The following KATNIP variants were observed in gnomAD, a reference collection of about 807,000 sequenced individuals.
KATNIP encodes katanin-interacting protein.
Under a neutral mutation model 174.0 loss-of-function variants are expected in KATNIP, and 126 were observed. The ratio of observed to expected loss-of-function variants is 0.72; its 90% confidence interval spans 0.63 to 0.84. The LOEUF is 0.84. Among genes scored for constraint, KATNIP ranks in the 40% least tolerant of loss-of-function variants. The pLI, the probability that KATNIP is intolerant of heterozygous loss-of-function variation, is 0.00. For synonymous variants in KATNIP, 810 were observed against 835.7 expected (o/e 0.97, Z 0.53); for missense variants, 1,958 against 2,109.7 (o/e 0.93, Z 1.41).
At chr16:27,557,415 C>CGTA (rs2089674911) in intron 1 of KATNIP, among the ~76,000 whole-genome samples, 1 of 145,710 alleles carries the variant, frequency 6.9e-6, no homozygotes, top group African/African-American at 2.5e-5. Flanking sequence ...TAAAGTGCTA[C>CGTA]GGTTACAGGT....
At chr16:27,721,498 TTTACTTTGGGGAG>T in intron 13 of KATNIP, 47 bp from the exon 14 acceptor site, 2 of 1,606,484 alleles carry the variant, frequency 1.2e-6, no homozygotes, top group South Asian at 2.2e-5. Flanking sequence ...CCGCTGCCAT[TTTACTTTGGGGAG>T]AGGCAGAAAT....
intron 1 of KATNIP, among the ~76,000 whole-genome samples, chr16:27,560,466 A>G (rs1279226168): frequency 6.6e-6 from 1 of 151,840 alleles, no homozygotes; most frequent in Non-Finnish European, 1.5e-5. Flanking sequence ...GGCTGGTGTT[A>G]CCTGTCATCT....
intron 6 of KATNIP, among the ~76,000 whole-genome samples, chr16:27,672,346 A>G (rs1287305908): frequency 1.3e-5 from 2 of 152,076 alleles, no homozygotes. Context: ...ACCATTCATC[A>G]GGGCTTGCTC....
chr16:27,657,739 G>A (rs1270111029), intron 6 of KATNIP, among the ~76,000 whole-genome samples: 3 of 152,096 alleles, frequency 2.0e-5, no homozygotes, highest in Admixed American at 6.6e-5. Flanking sequence ...GTGAAACCCC[G>A]TCTCTACTAA....
At chr16:27,717,893 G>T (rs906731611) in intron 13 of KATNIP, among the ~76,000 whole-genome samples, 1 of 152,138 alleles carries the variant, frequency 6.6e-6, no homozygotes, top group Non-Finnish European at 1.5e-5. Flanking sequence ...TCACTCTGAG[G>T]CCTGTTCCAC....
chr16:27,576,350 T>G (rs1435509548), intron 2 of KATNIP, among the ~76,000 whole-genome samples: 2 of 152,104 alleles, frequency 1.3e-5, no homozygotes, highest in Non-Finnish European at 2.9e-5. Flanking sequence ...AGGCTTAACC[T>G]GGAAAGATAT....
intron 3 of KATNIP, among the ~76,000 whole-genome samples, chr16:27,621,650 G>A (rs1013546552): frequency 2.0e-5 from 3 of 151,778 alleles, no homozygotes; most frequent in African/African-American, 7.3e-5. Context: ...ATTGGCTCAC[G>A]ATTCTGCAGG....
rs143895731 is a variant in KATNIP, at chr16:27,699,512, T to A, written c.1114-22T>A. 3 of 1,613,848 alleles carry A rather than the reference T, an allele frequency of 1.9e-6. No individual in the cohort carries two copies. In the East Asian group the frequency reaches 6.7e-5, roughly 36 times the overall value. On this transcript the variant is annotated intron_variant, in intron 9 of 27. Transcript: ENST00000261588. ...TGAATGGCTTTGTTCCAACATCACA[T>A]CATGTGATCACATCCTTCCAGGATG...
intron 5 of KATNIP, among the ~76,000 whole-genome samples, chr16:27,638,129 T>TG (rs1214197099): frequency 2.0e-5 from 3 of 152,204 alleles, no homozygotes; most frequent in Admixed American, 2.0e-4. Context: ...TCTCAGGGCA[T>TG]GGCCTGGGCT....
chr16:27,750,080 G>A lies in KATNIP; in HGVS notation c.3120G>A (p.Arg1040=). The part of the protein sequence containing the change: ...VVTNLIDGVN[R]TQDDMHVWLA... The stretch of plus-strand genomic sequence containing the variant: ...CCAACCTCATCGACGGGGTGAACAG[G>A]ACCCAGGATGACATGCATGTCTGGC... The change falls in exon 16 of 28, where the codon AGG becomes AGA. Residue 1040 remains arginine, a synonymous_variant. Coordinates refer to ENST00000261588, the MANE Select transcript of KATNIP (RefSeq NM_015202.5). 7 of 1,614,168 alleles carry A rather than the reference G, an allele frequency of 4.3e-6. No homozygotes were observed. The highest frequency in any genetic ancestry group is 5.9e-6 in the Non-Finnish European group (7 of 1,180,030).
intron 1 of KATNIP, among the ~76,000 whole-genome samples, chr16:27,572,535 G>T (rs934148735): frequency 5.9e-5 from 9 of 152,096 alleles, no homozygotes; most frequent in East Asian, 1.9e-4. Flanking sequence ...AGATAGCCCT[G>T]CCCTGTGTCT....
At chr16:27,593,926 C>T (rs1326567255) in intron 2 of KATNIP, among the ~76,000 whole-genome samples, 3 of 152,052 alleles carry the variant, frequency 2.0e-5, no homozygotes, top group Admixed American at 6.6e-5. Context: ...CCCAATATGG[C>T]ATCCAGGAAT....
chr16:27,640,873 C>T (rs987264293), intron 5 of KATNIP, among the ~76,000 whole-genome samples: 4 of 152,002 alleles, frequency 2.6e-5, no homozygotes, highest in African/African-American at 4.8e-5. Context: ...CGGAGGCTCA[C>T]GCATGTAATC....
At chr16:27,732,568 C>T (rs1178499131) in intron 14 of KATNIP, among the ~76,000 whole-genome samples, 3 of 152,142 alleles carry the variant, frequency 2.0e-5, no homozygotes, top group Admixed American at 6.5e-5. Flanking sequence ...AGCCCAACCC[C>T]GAAACCTCAG....
In KATNIP at chr16:27,740,128, G is replaced by T; in HGVS notation, c.1831G>T (p.Ala611Ser). 6.2e-7 allele frequency: 1 copy of T among 1,614,162 alleles called. No homozygotes were observed. The highest frequency in any genetic ancestry group is 1.1e-5 in the South Asian group (1 of 91,076). The change falls in exon 15 of 28, where the codon GCC (alanine) becomes TCC (serine). Residue 611 changes from alanine (A) to serine (S), a missense_variant. Transcript: ENST00000261588. ...CAAGTTAGACAAAGGAGATAGGGAG[G>T]CCCCAGCTGACCACAGCATCCTGGT... ...NGKLDKGDREAPADHSILVDQ... is the reference protein window; with the variant it reads ...NGKLDKGDRESPADHSILVDQ...
chr16:27,654,468 A>G (rs1434381314), intron 6 of KATNIP: 1 of 643,768 alleles, frequency 1.6e-6, no homozygotes, highest in Non-Finnish European at 2.5e-6. Flanking sequence ...GATCAGATCC[A>G]CTTTAGGAGC....
chr16:27,631,966 A>T (rs1236843549), intron 5 of KATNIP, among the ~76,000 whole-genome samples: 1 of 152,180 alleles, frequency 6.6e-6, no homozygotes, highest in African/African-American at 2.4e-5. Flanking sequence ...TCCCAGCAGA[A>T]CTGTAGAGTA....
At chr16:27,643,839 C>A (rs1198321274) in intron 5 of KATNIP, among the ~76,000 whole-genome samples, 1 of 151,868 alleles carries the variant, frequency 6.6e-6, no homozygotes, top group African/African-American at 2.4e-5. Flanking sequence ...TTGAATATTA[C>A]AAGGGGTGAA....
At chr16:27,659,653 G>A (rs936016051) in intron 6 of KATNIP, among the ~76,000 whole-genome samples, 14 of 152,238 alleles carry the variant, frequency 9.2e-5, no homozygotes, top group South Asian at 6.2e-4. Context: ...TTAAAATGTG[G>A]CTCAAACTTG....
Sources: allele counts gnomAD v4.1 joint callset (sites outside exome capture counted in the v4.1 genomes callset), GRCh38; gene constraint gnomAD v4.1.1; transcripts MANE v1.5; gene names NCBI Gene and HGNC (gene_info 2026-07-23, HGNC 2026-07-21).